Variants in SEC24D observed in about 807,000 individuals in gnomAD.
The protein encoded by SEC24D is SEC24 homolog D, COPII component.
SEC24D carries 69 observed loss-of-function variants against 116.9 expected under a neutral mutation model. That is an observed-to-expected ratio of 0.59 (90% CI 0.49 to 0.72). SEC24D has a LOEUF of 0.72. Among genes scored for constraint, SEC24D ranks in the 30% least tolerant of loss-of-function variants. The pLI is 0.00. For missense variants in SEC24D, 1,131 were observed against 1,264.1 expected, an observed-to-expected ratio of 0.89 and a Z score of 1.60; for synonymous variants, 405 against 442.8, an observed-to-expected ratio of 0.91 and a Z score of 1.07.
intron 8 of SEC24D, among the ~76,000 whole-genome samples, chr4:118,788,748 T>C (rs62328159): frequency 0.044 from 6,769 of 152,326 alleles, 213 homozygotes; most frequent in Non-Finnish European, 0.063. Context: ...GTTTATTTCA[T>C]TAGCAACATG....
chr4:118,767,923 T>G (rs1179969630), intron 9 of SEC24D, among the ~76,000 whole-genome samples: 2 of 152,156 alleles, frequency 1.3e-5, no homozygotes, highest in Non-Finnish European at 2.9e-5. Flanking sequence ...GAAATAAAAT[T>G]TTTCCCCCTA....
chr4:118,737,302 C>T (rs1057142903), intron 19 of SEC24D, among the ~76,000 whole-genome samples: 6 of 152,072 alleles, frequency 3.9e-5, no homozygotes, highest in African/African-American at 1.4e-4. Context: ...TCAGGAGTTG[C>T]TTATATGATT....
intron 8 of SEC24D, among the ~76,000 whole-genome samples, chr4:118,791,181 G>A (rs1728877799): frequency 6.6e-6 from 1 of 152,062 alleles, no homozygotes; most frequent in African/African-American, 2.4e-5. Flanking sequence ...AAATAAACAG[G>A]TTTGGGGTGC....
chr4:118,814,609 T>G (rs887846257), intron 6 of SEC24D, among the ~76,000 whole-genome samples: 7 of 152,224 alleles, frequency 4.6e-5, no homozygotes, highest in Admixed American at 1.3e-4. Context: ...TTTTTTATTG[T>G]GCAAGATGTA....
chr4:118,751,621 A>T (rs1411433670), intron 13 of SEC24D, among the ~76,000 whole-genome samples: 12 of 152,166 alleles, frequency 7.9e-5, no homozygotes, highest in Admixed American at 4.6e-4. Flanking sequence ...ACTGACTGTG[A>T]CAAGGCCTTG....
chr4:118,760,157 T>G (rs1486621412), intron 10 of SEC24D, among the ~76,000 whole-genome samples: 1 of 152,198 alleles, frequency 6.6e-6, no homozygotes, highest in Non-Finnish European at 1.5e-5. Context: ...TCTATTATTT[T>G]TAATTGTGGC....
At chr4:118,776,901 T>C (rs1728159621) in intron 8 of SEC24D, among the ~76,000 whole-genome samples, 1 of 152,114 alleles carries the variant, frequency 6.6e-6, no homozygotes, top group Admixed American at 6.6e-5. Flanking sequence ...ACAGAACAAT[T>C]GGCAGCTTTC....
intron 19 of SEC24D, among the ~76,000 whole-genome samples, chr4:118,734,697 A>G (rs1184882848): frequency 6.6e-6 from 1 of 152,176 alleles, no homozygotes; most frequent in Non-Finnish European, 1.5e-5. Context: ...AGGCAAACGT[A>G]TTTCAGAATG....
chr4:118,834,886 C>T (rs1348294967), intron 1 of SEC24D, among the ~76,000 whole-genome samples: 1 of 152,188 alleles, frequency 6.6e-6, no homozygotes, highest in Non-Finnish European at 1.5e-5. Context: ...CAAGAAATAA[C>T]ATTTCAAATT....
intron 8 of SEC24D, among the ~76,000 whole-genome samples, chr4:118,772,633 G>A (rs2110477622): frequency 6.6e-6 from 1 of 152,212 alleles, no homozygotes; most frequent in Admixed American, 6.5e-5. Context: ...GCAACCTAAT[G>A]ACAGCCTGTG....
chr4:118,769,365 G>GA (rs1727793689), intron 8 of SEC24D, among the ~76,000 whole-genome samples: 1 of 152,146 alleles, frequency 6.6e-6, no homozygotes, highest in African/African-American at 2.4e-5. Context: ...GCTTTCGGGA[G>GA]AAAACCACAG....
At chr4:118,725,496 A>G (rs1725362409) in intron 22 of SEC24D, among the ~76,000 whole-genome samples, 1 of 152,194 alleles carries the variant, frequency 6.6e-6, no homozygotes. Flanking sequence ...AGGATAAGAC[A>G]TTGAAGGAGG....
At chr4:118,749,664 C>T (rs1177291864) in intron 13 of SEC24D, among the ~76,000 whole-genome samples, 1 of 152,098 alleles carries the variant, frequency 6.6e-6, no homozygotes, top group Non-Finnish European at 1.5e-5. Context: ...CCTTCTCCCA[C>T]CCCCATTTAA....
intron 2 of SEC24D, among the ~76,000 whole-genome samples, chr4:118,829,775 G>T (rs1427922151): frequency 6.6e-6 from 1 of 151,912 alleles, no homozygotes; most frequent in Non-Finnish European, 1.5e-5. Context: ...TCGTGCCATT[G>T]CACTCCAGCC....
At chr4:118,780,924 T>TC (rs1728375028) in intron 8 of SEC24D, among the ~76,000 whole-genome samples, 1 of 143,210 alleles carries the variant, frequency 7.0e-6, no homozygotes, top group African/African-American at 2.6e-5. Flanking sequence ...TTTTTTTTTT[T>TC]TTTTTTTTGC....
intron 7 of SEC24D, among the ~76,000 whole-genome samples, chr4:118,799,244 G>A (rs908143748): frequency 3.3e-5 from 5 of 152,168 alleles, no homozygotes; most frequent in African/African-American, 7.2e-5. Flanking sequence ...AGAGCGTGAT[G>A]GTCAAGAACG....
chr4:118,829,310 C>A (rs576672120), intron 2 of SEC24D, among the ~76,000 whole-genome samples: 1 of 151,948 alleles, frequency 6.6e-6, no homozygotes, highest in African/African-American at 2.4e-5. Context: ...GCCAGGAGAT[C>A]GAGACAGAAC....
chr4:118,757,806 T>C lies in SEC24D; in HGVS notation c.1336A>G (p.Ile446Val). 6.2e-7 allele frequency: 1 copy of C among 1,611,792 alleles called. No individual in the cohort carries two copies. Among genetic ancestry groups the C allele is most frequent in the Non-Finnish European group, 8.5e-7 (1 of 1,178,584 alleles). Residue 446 changes from isoleucine (I) to valine (V), a missense_variant, in exon 11 of 23, where the codon ATT (isoleucine) becomes GTT (valine). Coordinates refer to ENST00000280551, the MANE Select transcript of SEC24D (RefSeq NM_014822.4). Reference protein sequence around the residue: ...PPNPPAFIFMIDVSYSNIKNG... With the variant: ...PPNPPAFIFMVDVSYSNIKNG... ...TTTATGTTACTATATGAAACATCAA[T>C]CATGAAGATAAAGGCTGGTGGGTTG...
chr4:118,744,086 T>C lies in SEC24D; in HGVS notation c.1897A>G (p.Thr633Ala), dbSNP rs1578390780. The C allele has an allele frequency of 6.2e-7, 1 of 1,613,288 alleles. No individual in the cohort carries two copies. The highest frequency in any genetic ancestry group is 1.1e-5 in the South Asian group (1 of 91,050). ...KDCVAHGCSV[T>A]LFLFPSQYVD... Reference sequence around the variant, plus strand: ...TACTGACTAGGAAAGAGGAAGAGTGTCACAGAGCAGCCGTGAGCCACGCAG... The same window carrying C: ...TACTGACTAGGAAAGAGGAAGAGTGCCACAGAGCAGCCGTGAGCCACGCAG... Residue 633 changes from threonine (T) to alanine (A), a missense_variant, in exon 15 of 23, where the codon ACA becomes GCA. Transcript: ENST00000280551.
Sources: gnomAD v4.1 joint callset for allele counts (sites outside exome capture counted in the v4.1 genomes callset) on GRCh38, gnomAD v4.1.1 for gene constraint, MANE v1.5 for transcripts, NCBI Gene and HGNC (gene_info 2026-07-23, HGNC 2026-07-21) for gene names.